NAV1: variants seen among roughly 807,000 people sequenced by gnomAD.
NAV1 encodes neuron navigator 1.
In NAV1, 18 loss-of-function variants were observed where a neutral mutation model predicts 175.2. The ratio of observed to expected loss-of-function variants is 0.10; its 90% confidence interval spans 0.07 to 0.15. The LOEUF (loss-of-function observed/expected upper bound fraction) is 0.15, where lower values mean the gene tolerates loss of function less well. NAV1 is among the 10% of genes least tolerant of loss of function. NAV1 has a pLI of 1.00. For missense variants in NAV1, 1,731 were observed against 2,436.6 expected, an observed-to-expected ratio of 0.71 and a Z score of 6.10; for synonymous variants, 897 against 978.7, an observed-to-expected ratio of 0.92 and a Z score of 1.56.
At position 201,812,761 on chromosome 1, in the gene NAV1, T is replaced by G; in HGVS notation, c.5221+100T>G. On this transcript the variant is annotated intron_variant, in intron 27 of 29. Transcript: ENST00000367296. The surrounding 1 kb of genome is among the most constrained non-coding windows in gnomAD (Gnocchi z 4.6). ...CCTTCTCTTCCTGGAGTCTTCGGCA[T>G]GTAAAGGAGCTGCAAGCCTTGTGGC... 8.9e-7 allele frequency: 1 copy of G among 1,118,496 alleles called. No individual in the cohort carries two copies. The highest frequency in any genetic ancestry group is 1.3e-6 in the Non-Finnish European group (1 of 764,234). 69.3% of individuals were successfully genotyped at this position (1,118,496 alleles called of 1,614,324 possible). A position where few individuals can be genotyped will look rare whatever the true frequency, so the allele number is the denominator to read the frequency against.
exon 13 of NAV1, chr1:201,790,746 A>G (rs747392079): frequency 6.2e-7 from 1 of 1,614,138 alleles, no homozygotes; most frequent in Non-Finnish European, 8.5e-7. Context: ...GGCCACCTTG[A>G]CGTCTCAGCT....
At chr1:201,656,634 G>T (rs943432513) in intron 1 of NAV1, among the ~76,000 whole-genome samples, 2 of 152,208 alleles carry the variant, frequency 1.3e-5, no homozygotes, top group African/African-American at 4.8e-5. Context: ...GTGAGGTTGG[G>T]TGTCAGGGTG....
At chr1:201,593,616 T>C (rs186432959) in intron 2 of NAV1, among the ~76,000 whole-genome samples, 1 of 152,342 alleles carries the variant, frequency 6.6e-6, no homozygotes, top group East Asian at 1.9e-4. Flanking sequence ...AGGAGTCCTC[T>C]GAGCTTCCAT....
chr1:201,700,827 TG>T (rs1344701055), intron 1 of NAV1, among the ~76,000 whole-genome samples: 2 of 151,590 alleles, frequency 1.3e-5, no homozygotes, highest in African/African-American at 4.8e-5. Flanking sequence ...CTGGCTAACA[TG>T]GTGAAACCCC....
intron 3 of NAV1, among the ~76,000 whole-genome samples, chr1:201,720,619 G>A (rs1672342887): frequency 6.6e-6 from 1 of 152,214 alleles, no homozygotes; most frequent in Non-Finnish European, 1.5e-5. Context: ...ATGAGCTTGA[G>A]CAAACTGGTT....
At chr1:201,605,821 A>G (rs1409226159) in intron 2 of NAV1, among the ~76,000 whole-genome samples, 1 of 152,072 alleles carries the variant, frequency 6.6e-6, no homozygotes, top group Non-Finnish European at 1.5e-5. Flanking sequence ...CATAAACAAG[A>G]TTTGGGGCAA....
intron 1 of NAV1, among the ~76,000 whole-genome samples, chr1:201,697,166 G>A (rs1446952895): frequency 1.3e-5 from 2 of 152,138 alleles, no homozygotes; most frequent in East Asian, 1.9e-4. Context: ...AGTCTAAGCC[G>A]AGTCCTTTTG....
intron 2 of NAV1, among the ~76,000 whole-genome samples, chr1:201,638,901 G>A (rs535932462): frequency 6.6e-6 from 1 of 152,298 alleles, no homozygotes; most frequent in African/African-American, 2.4e-5. Flanking sequence ...ACTAACCTAT[G>A]TAGGGCACTT....
intron 2 of NAV1, among the ~76,000 whole-genome samples, chr1:201,633,908 C>T (rs138928904): frequency 1.3e-4 from 20 of 152,290 alleles, no homozygotes; most frequent in Non-Finnish European, 2.5e-4. Flanking sequence ...GTTGGATAAA[C>T]AAAGCAGCAA....
chr1:201,806,475 G>A (rs1227054727), intron 17 of NAV1, among the ~76,000 whole-genome samples: 1 of 152,090 alleles, frequency 6.6e-6, no homozygotes, highest in Admixed American at 6.5e-5. Context: ...TCTCACTTAG[G>A]ATCTTATTGA....
In NAV1 at chr1:201,809,997, T is replaced by TC; in HGVS notation, c.4455dup (p.Ile1486HisfsTer29). The TC allele has an allele frequency of 6.2e-7, 1 of 1,613,982 alleles. No individual in the cohort carries two copies. The highest frequency in any genetic ancestry group is 8.5e-7 in the Non-Finnish European group (1 of 1,180,002). The stretch of plus-strand genomic sequence containing the variant: ...CTCTACCCTGGGACTAAGCACTGAG[T>TC]CCATCCATGGCTACAGCATCAGCCA... On this transcript the variant is annotated frameshift_variant, in exon 23 of 30. Transcript: ENST00000367296. LOFTEE classifies it high-confidence loss of function.
In NAV1 at chr1:201,784,448, A is replaced by G. The variant is rs1253438544; in HGVS notation, c.2804+596A>G. ...GCTGGGATTACAGGCATGAGCCACC[A>G]CACCTGGCTGCCCAGAATCTTTTCT... On this transcript the variant is annotated intron_variant, in intron 7 of 29. Coordinates refer to ENST00000367296, the Ensembl canonical transcript of NAV1. Among the ~76,000 whole-genome samples, 5 of 152,148 alleles carry G rather than the reference A, an allele frequency of 3.3e-5. 1 individual carries two copies. The highest frequency in any genetic ancestry group is 1.9e-4 in the East Asian group (1 of 5,154).
At chr1:201,561,822 T>C (rs567132213) in intron 1 of NAV1, among the ~76,000 whole-genome samples, 1 of 152,322 alleles carries the variant, frequency 6.6e-6, no homozygotes, top group East Asian at 1.9e-4. Flanking sequence ...GGGAACTCCC[T>C]GCAGGCTGGG....
chr1:201,663,439 G>A (rs958875292), intron 1 of NAV1, among the ~76,000 whole-genome samples: 10 of 152,160 alleles, frequency 6.6e-5, no homozygotes, highest in African/African-American at 2.2e-4. Flanking sequence ...TTTCTGGGCA[G>A]GGATGAAGAT....
Position 201,780,481 on chromosome 1 carries a change from A to T in NAV1, c.1287A>T (p.Ser429=), listed in dbSNP as rs76170109. The change falls in exon 4 of 30, where the codon TCA becomes TCT. Residue 429 remains serine, a synonymous_variant. Transcript: ENST00000367296. ...GCGATGCCTCAGACAATCTCAGTTC[A>T]GAAGAATTCAATGCCAGCTCCTCAC... The T allele has an allele frequency of 3.5e-4, 558 of 1,614,238 alleles. 9 individuals are homozygous for T. The East Asian group carries it at 8.3e-3, about 24-fold the overall frequency.
At chr1:201,589,788 G>A (rs553023458) in intron 2 of NAV1, among the ~76,000 whole-genome samples, 11 of 152,226 alleles carry the variant, frequency 7.2e-5, no homozygotes, top group East Asian at 3.9e-4. Flanking sequence ...CACCGTGCCC[G>A]GCCTGTTATT....
chr1:201,642,557 T>TTTCTTCCTTCCTTCCCTCCTCTTTC (rs1571858664), intron 2 of NAV1, among the ~76,000 whole-genome samples: 1 of 106,018 alleles, frequency 9.4e-6, no homozygotes. Flanking sequence ...TTCTTTCTTT[T>TTTCTTCCTTCCTTCCCTCCTCTTTC]TTCCCTTTCT....
At chr1:201,762,789 C>G (rs566320321) in intron 3 of NAV1, among the ~76,000 whole-genome samples, 4 of 152,348 alleles carry the variant, frequency 2.6e-5, no homozygotes, top group South Asian at 4.1e-4. Flanking sequence ...AATGCAGACA[C>G]TATTCTACAT....
intron 2 of NAV1, among the ~76,000 whole-genome samples, chr1:201,592,433 A>C (rs549882579): frequency 6.6e-6 from 1 of 152,296 alleles, no homozygotes; most frequent in African/African-American, 2.4e-5. Context: ...GAAGAAACAG[A>C]TTCAGAGCAT....
Sources: allele counts gnomAD v4.1 joint callset (sites outside exome capture counted in the v4.1 genomes callset), GRCh38; gene constraint gnomAD v4.1.1; non-coding constraint Gnocchi (gnomAD v3.1); transcripts MANE v1.5; gene names NCBI Gene and HGNC (gene_info 2026-07-23, HGNC 2026-07-21).